Variants in ZBTB20 observed in about 807,000 individuals in gnomAD.
ZBTB20 encodes zinc finger and BTB domain containing 20.
In ZBTB20, 9 loss-of-function variants were observed where a neutral mutation model predicts 56.9. The ratio of observed to expected loss-of-function variants is 0.16; its 90% CI spans 0.10 to 0.28. The LOEUF (loss-of-function observed/expected upper bound fraction) is 0.28, where lower values mean the gene tolerates loss of function less well. Ranked by LOEUF, ZBTB20 falls within the 10% of genes least tolerant of loss-of-function variation. The pLI is 1.00. For missense variants in ZBTB20, 655 were observed against 1,003.0 expected, an observed-to-expected ratio of 0.65 and a Z score of 4.69; for synonymous variants, 417 against 420.7, an observed-to-expected ratio of 0.99 and a Z score of 0.11.
chr3:114,591,862 T>C (rs1211145751), intron 6 of ZBTB20, among the ~76,000 whole-genome samples: 1 of 152,216 alleles, frequency 6.6e-6, no homozygotes, highest in Non-Finnish European at 1.5e-5. Flanking sequence ...TTTGAAAGCA[T>C]GCATTTCTTG....
chr3:114,754,421 AGACCCT>A (rs2067844092), intron 5 of ZBTB20, among the ~76,000 whole-genome samples: 1 of 152,146 alleles, frequency 6.6e-6, no homozygotes, highest in Admixed American at 6.6e-5. Context: ...GGGAGGAGGA[AGACCCT>A]ACAGGGTTTT....
At chr3:114,487,886 G>A (rs1382637642) in intron 7 of ZBTB20, among the ~76,000 whole-genome samples, 1 of 152,220 alleles carries the variant, frequency 6.6e-6, no homozygotes, top group Non-Finnish European at 1.5e-5. Flanking sequence ...CTTTATTTAT[G>A]AGAACATCCA....
intron 6 of ZBTB20, among the ~76,000 whole-genome samples, chr3:114,538,488 A>G (rs1177232970): frequency 6.6e-6 from 1 of 152,136 alleles, no homozygotes; most frequent in Non-Finnish European, 1.5e-5. Flanking sequence ...TTCATTTGAC[A>G]TACTGCTTAC....
At chr3:115,064,324 G>A (rs2082123216) in intron 2 of ZBTB20, among the ~76,000 whole-genome samples, 1 of 151,910 alleles carries the variant, frequency 6.6e-6, no homozygotes, top group South Asian at 2.1e-4. Context: ...GAGAAAGCAA[G>A]TGTGGGGGTA....
intron 2 of ZBTB20, among the ~76,000 whole-genome samples, chr3:114,976,735 C>T (rs1342795613): frequency 6.6e-6 from 1 of 151,772 alleles, no homozygotes; most frequent in Non-Finnish European, 1.5e-5. Flanking sequence ...GTACTCAATA[C>T]TTTTTATTAT....
chr3:114,462,488 C>T (rs1002739579), intron 7 of ZBTB20, among the ~76,000 whole-genome samples: 3 of 152,182 alleles, frequency 2.0e-5, no homozygotes, highest in Admixed American at 6.5e-5. Flanking sequence ...AATTTTTTAT[C>T]AATTTCCAAT....
intron 10 of ZBTB20, among the ~76,000 whole-genome samples, chr3:114,379,609 GT>G (rs1282239906): frequency 3.9e-5 from 6 of 152,176 alleles, no homozygotes; most frequent in African/African-American, 1.4e-4. Flanking sequence ...CCCTTAGGCA[GT>G]TTTTTTAATT....
intron 4 of ZBTB20, among the ~76,000 whole-genome samples, chr3:114,849,895 A>T (rs1050167319): frequency 3.1e-5 from 4 of 128,318 alleles, no homozygotes; most frequent in African/African-American, 1.1e-4. Flanking sequence ...AGAATCAGGA[A>T]ATCTTTTTTT....
chr3:114,504,059 A>G (rs1288289365), intron 6 of ZBTB20, among the ~76,000 whole-genome samples: 1 of 152,134 alleles, frequency 6.6e-6, no homozygotes, highest in African/African-American at 2.4e-5. Flanking sequence ...TTTCAATCCC[A>G]TAGCTACTCA....
chr3:114,480,833 T>A (rs552656993), intron 7 of ZBTB20, among the ~76,000 whole-genome samples: 3 of 152,092 alleles, frequency 2.0e-5, no homozygotes, highest in Non-Finnish European at 2.9e-5. Flanking sequence ...TTTTTTTTTT[T>A]AAACAGTTCA....
intron 2 of ZBTB20, among the ~76,000 whole-genome samples, chr3:115,049,410 T>G (rs2108429837): frequency 6.6e-6 from 1 of 152,292 alleles, no homozygotes; most frequent in East Asian, 1.9e-4. Context: ...CCAAAGTGTT[T>G]CGTATTTCAG....
At chr3:114,399,117 T>G (rs2086591245) in intron 7 of ZBTB20, among the ~76,000 whole-genome samples, 1 of 152,256 alleles carries the variant, frequency 6.6e-6, no homozygotes, top group South Asian at 2.1e-4. Flanking sequence ...TAACAGTGAA[T>G]TTTTAGTGGG....
intron 5 of ZBTB20, among the ~76,000 whole-genome samples, chr3:114,708,383 C>T (rs982652854): frequency 6.6e-6 from 1 of 151,892 alleles, no homozygotes; most frequent in Non-Finnish European, 1.5e-5. Flanking sequence ...CTCTGGAGGG[C>T]ATCTTAGCAA....
At chr3:114,657,690 G>A (rs904489535) in intron 6 of ZBTB20, among the ~76,000 whole-genome samples, 1 of 152,172 alleles carries the variant, frequency 6.6e-6, no homozygotes, top group Non-Finnish European at 1.5e-5. Flanking sequence ...TACAGACTGG[G>A]AAGTTCCTTG....
chr3:114,835,339 ATAAAG>A (rs2074065050), intron 4 of ZBTB20, among the ~76,000 whole-genome samples: 1 of 151,912 alleles, frequency 6.6e-6, no homozygotes, highest in African/African-American at 2.4e-5. Context: ...TTTTTTTGTC[ATAAAG>A]TATTCTATTT....
intron 5 of ZBTB20, among the ~76,000 whole-genome samples, chr3:114,726,005 T>A (rs1002312426): frequency 2.0e-5 from 3 of 152,158 alleles, no homozygotes; most frequent in Non-Finnish European, 4.4e-5. Flanking sequence ...AACCTATTAT[T>A]TATTATAATA....
At chr3:114,883,916 C>CCTTTTTTTTTTTTT (rs1223732179) in intron 4 of ZBTB20, among the ~76,000 whole-genome samples, 1,394 of 89,812 alleles carry the variant, frequency 0.016, 504 homozygotes, top group African/African-American at 0.041. Context: ...ATGGTGTGTT[C>CCTTTTTTTTTTTTT]TTTTTTTTTT....
chr3:114,856,755 A>G (rs2075274204), intron 4 of ZBTB20, among the ~76,000 whole-genome samples: 1 of 152,216 alleles, frequency 6.6e-6, no homozygotes, highest in Admixed American at 6.5e-5. Context: ...TCAAATTCCA[A>G]TTTAAAGCCA....
intron 1 of ZBTB20, among the ~76,000 whole-genome samples, chr3:115,135,794 A>T (rs1489412946): frequency 6.6e-6 from 1 of 152,120 alleles, no homozygotes; most frequent in East Asian, 1.9e-4. Context: ...TTATATTATC[A>T]CTAATATTAC....
Sources: gnomAD v4.1 joint callset for allele counts (sites outside exome capture counted in the v4.1 genomes callset) on GRCh38, gnomAD v4.1.1 for gene constraint, MANE v1.5 for transcripts, NCBI Gene and HGNC (gene_info 2026-07-23, HGNC 2026-07-21) for gene names.